RNF13: variants seen among roughly 807,000 people sequenced by gnomAD.
RNF13 encodes the protein E3 ubiquitin-protein ligase RNF13.
Under a neutral mutation model 37.7 loss-of-function variants are expected in RNF13, and 19 were observed. That is an observed-to-expected ratio of 0.50 (90% confidence interval 0.35 to 0.74). The LOEUF is 0.74. RNF13 is among the 30% of genes least tolerant of loss of function. RNF13 has a pLI of 0.01. For synonymous variants in RNF13, 144 were observed against 157.8 expected (o/e 0.91, Z 0.65); for missense variants, 375 against 453.0 (o/e 0.83, Z 1.56).
intron 1 of RNF13, among the ~76,000 whole-genome samples, chr3:149,824,087 G>GC (rs1212522169): frequency 2.0e-5 from 3 of 152,152 alleles, no homozygotes; most frequent in Non-Finnish European, 4.4e-5. Flanking sequence ...GCTTGAATAA[G>GC]CCTCCATTGG....
intron 4 of RNF13, among the ~76,000 whole-genome samples, chr3:149,881,532 C>T (rs760959986): frequency 7.9e-5 from 12 of 151,978 alleles, no homozygotes; most frequent in South Asian, 2.1e-4. Flanking sequence ...GGTTTCACCA[C>T]GTTGTCCAGG....
chr3:149,898,675 A>G (rs947941660), intron 5 of RNF13, among the ~76,000 whole-genome samples: 2 of 152,222 alleles, frequency 1.3e-5, no homozygotes, highest in Non-Finnish European at 2.9e-5. Context: ...CTTAGCAATC[A>G]TTTAATGATT....
intron 4 of RNF13, among the ~76,000 whole-genome samples, chr3:149,873,364 G>C (rs890768452): frequency 2.6e-5 from 4 of 152,122 alleles, no homozygotes; most frequent in African/African-American, 7.2e-5. Flanking sequence ...GGGAAATACT[G>C]TTATTGAATA....
At chr3:149,904,407 C>CA (rs1473889003) in intron 6 of RNF13, among the ~76,000 whole-genome samples, 1 of 151,826 alleles carries the variant, frequency 6.6e-6, no homozygotes, top group Non-Finnish European at 1.5e-5. Context: ...TTGAGACAGG[C>CA]TGTTACTCTG....
At chr3:149,815,400 A>G (rs1315777396) in intron 1 of RNF13, among the ~76,000 whole-genome samples, 2 of 152,248 alleles carry the variant, frequency 1.3e-5, no homozygotes, top group African/African-American at 4.8e-5. Flanking sequence ...TGGCATTTAA[A>G]TAACAATATT....
intron 8 of RNF13, among the ~76,000 whole-genome samples, chr3:149,928,672 C>T (rs890662118): frequency 6.6e-6 from 1 of 152,038 alleles, no homozygotes; most frequent in African/African-American, 2.4e-5. Context: ...TCCATAATAA[C>T]TTGAGAATAA....
At chr3:149,824,957 C>A (rs374508867) in intron 1 of RNF13, among the ~76,000 whole-genome samples, 28 of 150,472 alleles carry the variant, frequency 1.9e-4, no homozygotes, top group East Asian at 7.8e-4. Flanking sequence ...AGTTATTTTT[C>A]CTGATTTTTT....
chr3:149,910,594 C>G (rs1716899291), intron 6 of RNF13, among the ~76,000 whole-genome samples: 1 of 152,158 alleles, frequency 6.6e-6, no homozygotes, highest in Non-Finnish European at 1.5e-5. Flanking sequence ...TCCTAAGCAC[C>G]TCTGTATGAG....
chr3:149,840,267 T>C (rs530871846), intron 1 of RNF13, among the ~76,000 whole-genome samples: 1 of 152,330 alleles, frequency 6.6e-6, no homozygotes, highest in Non-Finnish European at 1.5e-5. Flanking sequence ...AAGATCGTGG[T>C]AGTGTACACA....
At chr3:149,875,124 G>A (rs41411047) in intron 4 of RNF13, among the ~76,000 whole-genome samples, 11,736 of 152,018 alleles carry the variant, frequency 0.077, 490 homozygotes, top group Middle Eastern at 0.099. Flanking sequence ...TAGCTTACTA[G>A]GACTGAGTAC....
At chr3:149,955,082 A>G (rs1392458588) in intron 8 of RNF13, among the ~76,000 whole-genome samples, 2 of 152,180 alleles carry the variant, frequency 1.3e-5, no homozygotes, top group Non-Finnish European at 2.9e-5. Flanking sequence ...TATAAATGAT[A>G]AAAGTAGATT....
intron 6 of RNF13, among the ~76,000 whole-genome samples, chr3:149,904,739 C>A (rs1243238812): frequency 1.3e-5 from 2 of 151,644 alleles, no homozygotes; most frequent in Non-Finnish European, 2.9e-5. Context: ...TCCATCTTGT[C>A]CATCTTGTTC....
intron 1 of RNF13, among the ~76,000 whole-genome samples, chr3:149,819,584 G>A (rs1719827612): frequency 1.3e-5 from 2 of 152,186 alleles, no homozygotes; most frequent in South Asian, 4.1e-4. Flanking sequence ...ATTTAGTTGT[G>A]TTGCATTTTG....
chr3:149,824,688 A>G (rs1720309888), intron 1 of RNF13, among the ~76,000 whole-genome samples: 1 of 151,828 alleles, frequency 6.6e-6, no homozygotes, highest in Non-Finnish European at 1.5e-5. Flanking sequence ...AAAGATATAC[A>G]CACAAATATA....
At chr3:149,835,793 CT>C (rs1190282920) in intron 1 of RNF13, among the ~76,000 whole-genome samples, 2 of 151,416 alleles carry the variant, frequency 1.3e-5, no homozygotes, top group Non-Finnish European at 2.9e-5. Flanking sequence ...GTGCAAATAT[CT>C]TTTTTTTATG....
chr3:149,870,614 G>A (rs1181598883), intron 3 of RNF13, among the ~76,000 whole-genome samples: 1 of 151,796 alleles, frequency 6.6e-6, no homozygotes, highest in Admixed American at 6.6e-5. Flanking sequence ...TTGCAGAAAG[G>A]CACTCAGAGC....
chr3:149,852,322 G>A (rs974487465), intron 2 of RNF13, among the ~76,000 whole-genome samples, 194 bp from the exon 3 acceptor site: 5 of 152,090 alleles, frequency 3.3e-5, no homozygotes, highest in Non-Finnish European at 5.9e-5. Flanking sequence ...AATTTAAGCA[G>A]TTGTATATGT....
At chr3:149,907,810 A>G (rs1576858401) in intron 6 of RNF13, among the ~76,000 whole-genome samples, 1 of 152,258 alleles carries the variant, frequency 6.6e-6, no homozygotes, top group South Asian at 2.1e-4. Flanking sequence ...AGAAAGTGCT[A>G]TAATGATATC....
At chr3:149,933,010 C>G (rs1029633682) in intron 8 of RNF13, among the ~76,000 whole-genome samples, 8 of 152,228 alleles carry the variant, frequency 5.3e-5, no homozygotes, top group African/African-American at 1.7e-4. Context: ...CCTGGCAAGC[C>G]TTCTTTCCTT....
Sources: allele counts gnomAD v4.1 joint callset (sites outside exome capture counted in the v4.1 genomes callset), GRCh38; gene constraint gnomAD v4.1.1; transcripts MANE v1.5; gene names NCBI Gene and HGNC (gene_info 2026-07-23, HGNC 2026-07-21).